TAB1: variants seen among roughly 807,000 people sequenced by gnomAD.
TAB1 encodes TGF-beta activated kinase 1 (MAP3K7) binding protein 1.
Under a neutral mutation model 54.5 loss-of-function variants are expected in TAB1, and 30 were observed. That is an observed-to-expected ratio of 0.55 (90% CI 0.41 to 0.75). The LOEUF (loss-of-function observed/expected upper bound fraction) is 0.75, where lower values mean the gene tolerates loss of function less well. TAB1 is among the 30% of genes least tolerant of loss of function. TAB1 has a pLI of 0.00. For missense variants in TAB1, 609 were observed against 683.2 expected (o/e 0.89, Z 1.21); for synonymous variants, 289 against 286.9 (o/e 1.01, Z -0.07).
intron 5 of TAB1, among the ~76,000 whole-genome samples, chr22:39,418,513 A>G (rs764110918): frequency 4.6e-5 from 7 of 152,198 alleles, no homozygotes; most frequent in Non-Finnish European, 8.8e-5. Context: ...CTGTTTTATT[A>G]AGATCATAAT....
intron 3 of TAB1, among the ~76,000 whole-genome samples, chr22:39,416,415 T>C (rs911522222): frequency 6.6e-6 from 1 of 152,230 alleles, no homozygotes; most frequent in African/African-American, 2.4e-5. Context: ...TGGACTGTCT[T>C]ACCTAACCCC....
At chr22:39,421,379 T>C (rs144625495) in intron 7 of TAB1, among the ~76,000 whole-genome samples, 2 of 152,304 alleles carry the variant, frequency 1.3e-5, no homozygotes, top group African/African-American at 4.8e-5. Flanking sequence ...TGTTGGCATG[T>C]AATGACTCTG....
In TAB1 at chr22:39,417,854, G is replaced by GC. The variant is rs754081087; in HGVS notation, c.550+10dup. ...AGCTCTACGTCGCCAATGTCGGTGA[G>GC]CCCCCTCCTGTCCCAGGGCAGGGAG... On this transcript the variant is annotated splice_donor_region_variant and intron_variant, in intron 5 of 10. Transcript: ENST00000216160. 6.2e-7 allele frequency: 1 copy of GC among 1,600,380 alleles called. No individual in the cohort carries two copies. The highest frequency in any genetic ancestry group is 1.3e-5 in the African/African-American group (1 of 74,552).
At chr22:39,425,953 G>A (rs1437400713) in intron 8 of TAB1, among the ~76,000 whole-genome samples, 1 of 151,198 alleles carries the variant, frequency 6.6e-6, no homozygotes, top group Non-Finnish European at 1.5e-5. Flanking sequence ...CGTCTCCTGG[G>A]CTCAAGCAAT....
intron 1 of TAB1, among the ~76,000 whole-genome samples, chr22:39,402,638 T>G (rs1405999300): frequency 1.1e-4 from 17 of 151,550 alleles, no homozygotes; most frequent in Admixed American, 1.1e-3. Flanking sequence ...CTGCAACCTC[T>G]GCTTCGTGGG....
In TAB1 at chr22:39,402,694, A is replaced by G. The variant is rs969739872; in HGVS notation, c.33+2859A>G. On this transcript the variant is annotated intron_variant, in intron 1 of 10. Transcript: ENST00000216160. ...CAGCCTCCCAAGTAGCTGGGATTAC[A>G]GGTGTGCACCACCACACCAGCTAAC... 3.3e-5 allele frequency among the ~76,000 whole-genome samples: 5 copies of G among 152,226 alleles called. No individual in the cohort carries two copies. The South Asian group carries it at 6.2e-4, about 19-fold the overall frequency.
At chr22:39,418,956 C>T in intron 6 of TAB1, 111 bp downstream of exon 6, 1 of 836,964 alleles carries the variant, frequency 1.2e-6, no homozygotes, top group Non-Finnish European at 2.0e-6. Flanking sequence ...CTTGGGCTCC[C>T]CAGCCAGCCT....
Position 39,407,010 on chromosome 22 carries a change from G to A in TAB1, c.33+7175G>A, listed in dbSNP as rs965111146. On this transcript the variant is annotated intron_variant, in intron 1 of 10. Coordinates refer to ENST00000216160, the MANE Select transcript of TAB1 (RefSeq NM_006116.3). ...CTGTACAAGATACACAGCTGAGTGAGATTGTTAATCTGTCAAAGGGCAAAA... is the reference window on the plus strand; with the variant it reads ...CTGTACAAGATACACAGCTGAGTGAAATTGTTAATCTGTCAAAGGGCAAAA... Among the ~76,000 whole-genome samples, 20 of 152,224 alleles carry A rather than the reference G, an allele frequency of 1.3e-4. 1 individual carries two copies. The highest frequency in any genetic ancestry group is 1.2e-3 in the Admixed American group (18 of 15,276).
At chr22:39,402,184 T>C (rs1322060663) in intron 1 of TAB1, among the ~76,000 whole-genome samples, 2 of 152,098 alleles carry the variant, frequency 1.3e-5, no homozygotes, top group Non-Finnish European at 2.9e-5. Context: ...GTGTTTTTGT[T>C]TTCATTTTTC....
chr22:39,415,349 G>T lies in TAB1; in HGVS notation c.171-151G>T, dbSNP rs1926778561. ...AGGGTATCCCAGAATGTCATAGCCA[G>T]AGTGAAATGATGGCTAAAGCAGGGG... On this transcript the variant is annotated intron_variant, in intron 2 of 10. Coordinates refer to ENST00000216160, the MANE Select transcript of TAB1 (RefSeq NM_006116.3). This position sits in a 1 kb window ranked among gnomAD's most constrained non-coding sequence, Gnocchi z 4.9. The T allele has an allele frequency of 9.2e-7, 1 of 1,090,200 alleles. No individual in the cohort carries two copies. 67.5% of individuals were successfully genotyped at this position (1,090,200 alleles called of 1,614,324 possible).
At chr22:39,402,585 C>T (rs1926194505) in intron 1 of TAB1, among the ~76,000 whole-genome samples, 2 of 152,176 alleles carry the variant, frequency 1.3e-5, no homozygotes, top group Non-Finnish European at 2.9e-5. Context: ...GACAGGATCT[C>T]ACTGTCACCC....
At chr22:39,409,453 C>T (rs1926514568) in intron 1 of TAB1, among the ~76,000 whole-genome samples, 2 of 152,252 alleles carry the variant, frequency 1.3e-5, no homozygotes, top group South Asian at 4.1e-4. Context: ...AGGCCTTGCA[C>T]TGCCCTCCCC....
At chr22:39,402,224 C>T (rs1477531239) in intron 1 of TAB1, among the ~76,000 whole-genome samples, 1 of 152,106 alleles carries the variant, frequency 6.6e-6, no homozygotes, top group South Asian at 2.1e-4. Flanking sequence ...GCCATGTTGC[C>T]CAGGCTGGTC....
At chr22:39,413,420 A>T (rs1433648191) in intron 1 of TAB1, among the ~76,000 whole-genome samples, 11 of 144,348 alleles carry the variant, frequency 7.6e-5, no homozygotes, top group Admixed American at 7.6e-4. Flanking sequence ...TTTCAATACA[A>T]TTTTTTTTTT....
chr22:39,399,959 C>T, intron 1 of TAB1, 124 bp downstream of exon 1: 2 of 1,072,566 alleles, frequency 1.9e-6, no homozygotes. Context: ...GTGTGTCAGC[C>T]ACCTTCTCCT....
intron 6 of TAB1, among the ~76,000 whole-genome samples, chr22:39,419,302 G>A (rs1427093799): frequency 1.3e-5 from 2 of 152,230 alleles, no homozygotes; most frequent in African/African-American, 4.8e-5. Flanking sequence ...GGTGGTGCCT[G>A]GAGGACGGGC....
At chr22:39,429,861 G>A (rs997284492) in intron 10 of TAB1, 154 bp from the exon 11 acceptor site, 1 of 985,342 alleles carries the variant, frequency 1.0e-6, no homozygotes, top group African/African-American at 1.7e-5. Context: ...CTGTTCCTAA[G>A]ATCATCTGGC....
chr22:39,417,607 C>T (rs548895890), intron 4 of TAB1, 104 bp from the exon 5 acceptor site: 97 of 1,211,032 alleles, frequency 8.0e-5, no homozygotes, highest in Admixed American at 3.4e-4. Context: ...GGGGACACAG[C>T]GAGACTCCAT....
At chr22:39,435,576 G>A (rs1927751090), downstream of TAB1, among the ~76,000 whole-genome samples, 1 of 152,212 alleles carries the variant, frequency 6.6e-6, no homozygotes, top group Non-Finnish European at 1.5e-5. Context: ...CAGAGTGACT[G>A]GGAGACAGTT....
Sources: allele counts gnomAD v4.1 joint callset (sites outside exome capture counted in the v4.1 genomes callset), GRCh38; gene constraint gnomAD v4.1.1; non-coding constraint Gnocchi (gnomAD v3.1); transcripts MANE v1.5; gene names NCBI Gene and HGNC (gene_info 2026-07-23, HGNC 2026-07-21).